HCN1: variants seen among roughly 807,000 people sequenced by gnomAD.
HCN1 encodes the protein hyperpolarization activated cyclic nucleotide gated potassium channel 1.
In HCN1, 13 loss-of-function variants were observed where a neutral mutation model predicts 78.9. That is an observed-to-expected ratio of 0.16 (90% CI 0.11 to 0.26). The LOEUF (loss-of-function observed/expected upper bound fraction) is 0.26, where lower values mean the gene tolerates loss of function less well. Among genes scored for constraint, HCN1 ranks in the 10% least tolerant of loss-of-function variants. The pLI, the probability that HCN1 is intolerant of heterozygous loss-of-function variation, is 1.00. For missense variants in HCN1, 810 were observed against 1,154.3 expected, an observed-to-expected ratio of 0.70 and a Z score of 4.32; for synonymous variants, 552 against 455.5, an observed-to-expected ratio of 1.21 and a Z score of -2.70.
chr5:45,370,895 G>T (rs1454892479), intron 4 of HCN1, among the ~76,000 whole-genome samples: 2 of 152,048 alleles, frequency 1.3e-5, no homozygotes, highest in Admixed American at 6.6e-5. Context: ...ATTTAAAAAT[G>T]TAAATTTTAA....
intron 1 of HCN1, among the ~76,000 whole-genome samples, chr5:45,671,367 G>A (rs1437355212): frequency 6.6e-6 from 1 of 151,152 alleles, no homozygotes; most frequent in African/African-American, 2.4e-5. Flanking sequence ...GTATGCATTA[G>A]ATTATCTGCT....
At chr5:45,666,553 A>ACATT (rs1288458514) in intron 1 of HCN1, among the ~76,000 whole-genome samples, 1 of 152,082 alleles carries the variant, frequency 6.6e-6, no homozygotes, top group Non-Finnish European at 1.5e-5. Context: ...GCCTAGTAAT[A>ACATT]CATTCCCTGA....
At chr5:45,677,611 G>A (rs890577264) in intron 1 of HCN1, among the ~76,000 whole-genome samples, 4 of 151,818 alleles carry the variant, frequency 2.6e-5, no homozygotes, top group African/African-American at 9.7e-5. Flanking sequence ...ATTTCATTTT[G>A]TTGTTCTGTT....
intron 4 of HCN1, among the ~76,000 whole-genome samples, chr5:45,363,047 A>G (rs1221066432): frequency 6.7e-6 from 1 of 149,012 alleles, no homozygotes; most frequent in Non-Finnish European, 1.5e-5. Context: ...ACTTAATTAG[A>G]TATTTCACAA....
At chr5:45,514,914 C>T (rs1301141197) in intron 2 of HCN1, among the ~76,000 whole-genome samples, 1 of 151,894 alleles carries the variant, frequency 6.6e-6, no homozygotes, top group Non-Finnish European at 1.5e-5. Context: ...TGAAATTTGT[C>T]TTCTGGAAAT....
intron 3 of HCN1, among the ~76,000 whole-genome samples, chr5:45,452,626 T>C (rs1740947703): frequency 1.3e-5 from 2 of 152,070 alleles, no homozygotes; most frequent in East Asian, 3.9e-4. Context: ...TTAATCATAA[T>C]GGCCCTATGT....
At chr5:45,444,780 C>A (rs1740751775) in intron 3 of HCN1, among the ~76,000 whole-genome samples, 1 of 151,608 alleles carries the variant, frequency 6.6e-6, no homozygotes, top group South Asian at 2.1e-4. Context: ...TTATTCTTTT[C>A]TTTTTTTCTT....
rs1016240470 is a variant in HCN1, at chr5:45,473,418, T to C, written c.850-11411A>G. ...ATACTAAGCCTGCTTACCTCAATCA[T>C]GAGAATACACTTAACTTTCAATTTT... is the stretch of plus-strand genomic sequence containing the variant. On this transcript the variant is annotated intron_variant, in intron 2 of 7. Transcript: ENST00000303230. Among the ~76,000 whole-genome samples, 3 of 151,874 alleles carry C rather than the reference T, an allele frequency of 2.0e-5. No homozygotes were observed. The East Asian group carries it at 5.8e-4, about 29-fold the overall frequency.
intron 2 of HCN1, among the ~76,000 whole-genome samples, chr5:45,607,548 T>C (rs184678077): frequency 4.0e-5 from 6 of 150,172 alleles, no homozygotes; most frequent in Non-Finnish European, 5.9e-5. Context: ...CTAAATGATA[T>C]TGGGATATAG....
intron 3 of HCN1, among the ~76,000 whole-genome samples, chr5:45,409,628 T>G (rs1739989215): frequency 6.6e-6 from 1 of 151,954 alleles, no homozygotes; most frequent in African/African-American, 2.4e-5. Context: ...TTCTTCTACC[T>G]AGATTTACTA....
At chr5:45,623,318 T>A (rs963888926) in intron 2 of HCN1, among the ~76,000 whole-genome samples, 4 of 152,164 alleles carry the variant, frequency 2.6e-5, no homozygotes, top group African/African-American at 9.7e-5. Context: ...GAGTCAGAGA[T>A]GCAATCCTGC....
rs115315039 is a variant in HCN1, at chr5:45,387,517, A to G, written c.1230+8975T>C. Among the ~76,000 whole-genome samples, 403 of 152,200 alleles carry G rather than the reference A, an allele frequency of 2.6e-3. 3 individuals carry two copies. The highest frequency in any genetic ancestry group is 4.6e-3 in the Non-Finnish European group (314 of 68,002). On this transcript the variant is annotated intron_variant, in intron 4 of 7. Transcript: ENST00000303230. ...GTTAATAAAGAGGATACATTTAACT[A>G]ATGTTTTACTTAGGGGCACTTCATT...
chr5:45,648,328 T>C (rs1157404936), intron 1 of HCN1, among the ~76,000 whole-genome samples: 2 of 152,216 alleles, frequency 1.3e-5, no homozygotes, highest in Non-Finnish European at 2.9e-5. Flanking sequence ...ATTCATTCTT[T>C]ACTACAGTAA....
At position 45,276,638 on chromosome 5, in the gene HCN1, T is replaced by C. The variant is rs867960848; in HGVS notation, c.1619-9385A>G. Among the ~76,000 whole-genome samples the C allele has an allele frequency of 7.2e-5, 11 of 152,252 alleles. No homozygotes were observed. The Middle Eastern group carries it at 0.014, about 188-fold the overall frequency. On this transcript the variant is annotated intron_variant, in intron 6 of 7. Coordinates refer to ENST00000303230, the MANE Select transcript of HCN1 (RefSeq NM_021072.4). ...GCAATTGTGGAGAATACAAAATAAG[T>C]ATATTTTGTATCCTTATCCTGACTG...
chr5:45,288,842 G>A (rs994791882), intron 6 of HCN1, among the ~76,000 whole-genome samples: 3 of 151,868 alleles, frequency 2.0e-5, no homozygotes, highest in Admixed American at 6.6e-5. Flanking sequence ...GTAAAACCTG[G>A]GCATAGAATA....
intron 3 of HCN1, among the ~76,000 whole-genome samples, chr5:45,452,878 G>A (rs181576528): frequency 8.5e-5 from 13 of 152,052 alleles, no homozygotes; most frequent in East Asian, 5.8e-4. Flanking sequence ...ATGGGGTTAC[G>A]AAATGTTCGT....
At chr5:45,659,230 T>A (rs1205532369) in intron 1 of HCN1, among the ~76,000 whole-genome samples, 2 of 143,988 alleles carry the variant, frequency 1.4e-5, no homozygotes, top group Non-Finnish European at 1.5e-5. Flanking sequence ...CTAACAGACC[T>A]GCAGCTGAGG....
intron 5 of HCN1, among the ~76,000 whole-genome samples, chr5:45,349,086 C>T (rs1436725734): frequency 6.6e-6 from 1 of 152,148 alleles, no homozygotes; most frequent in Non-Finnish European, 1.5e-5. Flanking sequence ...TTCAGCACCA[C>T]ACCACACCTC....
Position 45,258,389 on chromosome 5 carries a change from T to C in HCN1, c.*3532A>G, listed in dbSNP as rs1744663633. On this transcript the variant is annotated 3_prime_UTR_variant, in exon 8 of 8. Coordinates refer to ENST00000303230, the MANE Select transcript of HCN1 (RefSeq NM_021072.4). ...TAGTATGCTCAGTTAAGTTTATAAA[T>C]TGCAAAATAACCATCTCTTTAAAGT... The C allele has an allele frequency of 6.6e-6, 1 of 152,168 alleles. No homozygotes were observed. Among genetic ancestry groups the C allele is most frequent in the South Asian group, 2.1e-4 (1 of 4,838 alleles). 9.4% of individuals were successfully genotyped at this position (152,168 alleles called of 1,614,324 possible).
Sources: gnomAD v4.1 joint callset for allele counts (sites outside exome capture counted in the v4.1 genomes callset) on GRCh38, gnomAD v4.1.1 for gene constraint, MANE v1.5 for transcripts, NCBI Gene and HGNC (gene_info 2026-07-23, HGNC 2026-07-21) for gene names.